DLG1: variants seen among roughly 807,000 people sequenced by gnomAD.
The protein encoded by DLG1 is disks large homolog 1.
A neutral mutation model predicts 123.4 loss-of-function variants in DLG1; 42 were observed. The ratio of observed to expected loss-of-function variants is 0.34; its 90% confidence interval spans 0.27 to 0.44. DLG1 has a LOEUF of 0.44. DLG1 is among the 20% of genes least tolerant of loss of function. The pLI is 1.00. For missense variants in DLG1, 942 were observed against 1,082.6 expected, an observed-to-expected ratio of 0.87 and a Z score of 1.82; for synonymous variants, 317 against 356.2, an observed-to-expected ratio of 0.89 and a Z score of 1.24.
chr3:197,114,290 A>G (rs1396755039), intron 13 of DLG1, among the ~76,000 whole-genome samples: 1 of 152,198 alleles, frequency 6.6e-6, no homozygotes, highest in Non-Finnish European at 1.5e-5. Flanking sequence ...AGACATCGAC[A>G]AAGTTTCACA....
chr3:197,296,336 T>C lies in DLG1; in HGVS notation c.151+10A>G. 1 of 1,611,832 alleles carries C rather than the reference T, an allele frequency of 6.2e-7. No homozygotes were observed. Among genetic ancestry groups the C allele is most frequent in the East Asian group, 2.2e-5 (1 of 44,800 alleles). On this transcript the variant is annotated intron_variant, in intron 3 of 24. Coordinates refer to ENST00000667157, the MANE Select transcript of DLG1 (RefSeq NM_001366207.1). ...AGCTGGCATAATAGTTACGAAGTTT[T>C]AATTCCCACCTATTAAAGCCTGAAA...
intron 17 of DLG1, among the ~76,000 whole-genome samples, chr3:197,077,050 T>C (rs1747744461): frequency 6.6e-6 from 1 of 152,156 alleles, no homozygotes; most frequent in South Asian, 2.1e-4. Context: ...AAAAGTTATT[T>C]AATGTTACTT....
At chr3:197,297,971 G>A (rs1009184105) in intron 1 of DLG1, 4 of 974,834 alleles carry the variant, frequency 4.1e-6, no homozygotes, top group Non-Finnish European at 3.7e-6. Flanking sequence ...CCGCACCCCC[G>A]CGGCCTCGTC....
At chr3:197,084,316 GT>G (rs71623334) in intron 16 of DLG1, among the ~76,000 whole-genome samples, 56,073 of 142,890 alleles carry the variant, frequency 0.39, 10,867 homozygotes, top group East Asian at 0.73. Flanking sequence ...ACTTTTTGTT[GT>G]TTTTTTTTTT....
rs533851956 is a variant in DLG1, at chr3:197,212,226, C to A, written c.319-17637G>T. The stretch of plus-strand genomic sequence containing the variant: ...CCCTGAACCTAAAAGTTTTAAAAAA[C>A]AAACAAAAAACCCTACCGCTAATGC... On this transcript the variant is annotated intron_variant, in intron 4 of 24. Coordinates refer to ENST00000667157, the MANE Select transcript of DLG1 (RefSeq NM_001366207.1). Among the ~76,000 whole-genome samples, 246 of 146,198 alleles carry A rather than the reference C, an allele frequency of 1.7e-3. 31 individuals are homozygous for A. The highest frequency in any genetic ancestry group is 2.5e-3 in the Non-Finnish European group (166 of 65,130).
At chr3:197,154,276 T>C (rs2149802706) in intron 5 of DLG1, among the ~76,000 whole-genome samples, 1 of 151,930 alleles carries the variant, frequency 6.6e-6, no homozygotes, top group African/African-American at 2.4e-5. Flanking sequence ...TACTCTAGCC[T>C]GGGCAACAGA....
At chr3:197,107,389 A>T (rs1767092334) in intron 13 of DLG1, among the ~76,000 whole-genome samples, 1 of 151,918 alleles carries the variant, frequency 6.6e-6, no homozygotes, top group South Asian at 2.1e-4. Context: ...CTAAAAATAC[A>T]AAAAAATTAG....
At chr3:197,255,103 T>A (rs554320815) in intron 4 of DLG1, among the ~76,000 whole-genome samples, 1 of 152,186 alleles carries the variant, frequency 6.6e-6, no homozygotes, top group African/African-American at 2.4e-5. Context: ...TAATTTTAAA[T>A]GCACTATATT....
chr3:197,070,588 G>C (rs1402578498), intron 18 of DLG1: 2 of 27,404 alleles, frequency 7.3e-5, no homozygotes, highest in African/African-American at 2.0e-4. Flanking sequence ...TTTTTTTTTT[G>C]AGATAGTCTC....
chr3:197,296,210 C>T, intron 3 of DLG1, 136 bp downstream of exon 3: 1 of 840,588 alleles, frequency 1.2e-6, no homozygotes, highest in Admixed American at 2.5e-5. Context: ...ATGAAAAACA[C>T]ACAACTCACT....
chr3:197,252,900 G>A (rs916777297), intron 4 of DLG1, among the ~76,000 whole-genome samples: 1 of 151,992 alleles, frequency 6.6e-6, no homozygotes, highest in African/African-American at 2.4e-5. Flanking sequence ...CATAAAAATG[G>A]TTACCATAAT....
At chr3:197,250,858 G>A (rs1046334496) in intron 4 of DLG1, among the ~76,000 whole-genome samples, 3 of 150,522 alleles carry the variant, frequency 2.0e-5, no homozygotes, top group Non-Finnish European at 3.0e-5. Flanking sequence ...GCCAGGCGCA[G>A]TGGCAGGTGC....
intron 3 of DLG1, among the ~76,000 whole-genome samples, chr3:197,293,492 A>G (rs555723288): frequency 3.0e-4 from 45 of 152,286 alleles, no homozygotes; most frequent in African/African-American, 1.0e-3. Context: ...CATATACCAG[A>G]TATTGAAATA....
At chr3:197,286,187 G>C (rs532788458) in intron 3 of DLG1, among the ~76,000 whole-genome samples, 8 of 152,292 alleles carry the variant, frequency 5.3e-5, no homozygotes, top group African/African-American at 1.9e-4. Flanking sequence ...ACAGTAAAAA[G>C]ATCAGTGGTT....
intron 4 of DLG1, among the ~76,000 whole-genome samples, chr3:197,253,853 AT>A (rs1755616851): frequency 6.6e-6 from 1 of 150,850 alleles, no homozygotes; most frequent in African/African-American, 2.4e-5. Flanking sequence ...GGCACATGTG[AT>A]TTCTGCATTA....
rs535866775 is a variant in DLG1 at position 197,161,726 on chromosome 3, C to T, written c.484-11930G>A. The T allele has an allele frequency of 3.8e-6, 6 of 1,571,086 alleles. No individual in the cohort carries two copies. The African/African-American group carries it at 6.9e-5, about 18-fold the overall frequency. On this transcript the variant is annotated intron_variant, in intron 5 of 24. Transcript: ENST00000667157. ...GGGACAGTGGGAGGAGAGGGAAGAA[C>T]AGCTTCTGTTGGCTAAAAATCATCA...
chr3:197,163,029 G>T (rs1371492063), intron 5 of DLG1, among the ~76,000 whole-genome samples: 2 of 152,152 alleles, frequency 1.3e-5, no homozygotes, highest in Non-Finnish European at 2.9e-5. Context: ...CCCAATTAAT[G>T]AATGTGTGAA....
At chr3:197,208,931 T>C (rs1469740350) in intron 4 of DLG1, among the ~76,000 whole-genome samples, 2 of 145,990 alleles carry the variant, frequency 1.4e-5, no homozygotes, top group Non-Finnish European at 3.1e-5. Context: ...TTTAATGAGT[T>C]GATAAAACAA....
At chr3:197,189,434 A>T (rs1016337314) in intron 5 of DLG1, among the ~76,000 whole-genome samples, 5 of 152,218 alleles carry the variant, frequency 3.3e-5, no homozygotes, top group Non-Finnish European at 5.9e-5. Flanking sequence ...TTAAAGTGTG[A>T]TTTAGAAACA....
Sources: allele counts gnomAD v4.1 joint callset (sites outside exome capture counted in the v4.1 genomes callset), GRCh38; gene constraint gnomAD v4.1.1; transcripts MANE v1.5; gene names NCBI Gene and HGNC (gene_info 2026-07-23, HGNC 2026-07-21).